Variants in CDH8 observed in about 807,000 individuals in gnomAD.
The protein encoded by CDH8 is cadherin 8, also known as cadherin-8.
In CDH8, 17 loss-of-function variants were observed where a neutral mutation model predicts 68.1. The observed-to-expected ratio is 0.25, with a 90% confidence interval of 0.17 to 0.37. The LOEUF (loss-of-function observed/expected upper bound fraction) is 0.37, where lower values mean the gene tolerates loss of function less well. CDH8 is among the 10% of genes least tolerant of loss of function. CDH8 has a pLI of 1.00. For missense variants in CDH8, 763 were observed against 999.3 expected, an observed-to-expected ratio of 0.76 and a Z score of 3.19; for synonymous variants, 372 against 365.1, an observed-to-expected ratio of 1.02 and a Z score of -0.21.
At chr16:61,974,230 A>C (rs1002511897) in intron 2 of CDH8, among the ~76,000 whole-genome samples, 1 of 152,222 alleles carries the variant, frequency 6.6e-6, no homozygotes, top group Non-Finnish European at 1.5e-5. Flanking sequence ...GAAAAGGATA[A>C]AGGCATATGA....
At position 61,653,644 on chromosome 16, in the gene CDH8, T is replaced by A; in HGVS notation, c.2364A>T (p.Glu788Asp). 4.3e-6 allele frequency: 7 copies of A among 1,613,572 alleles called. No homozygotes were observed. Among genetic ancestry groups the A allele is most frequent in the Non-Finnish European group, 5.1e-6 (6 of 1,179,824 alleles). The stretch of plus-strand genomic sequence containing the variant: ...TGTCACTTTCACCAACAGAGTAGAG[T>A]TCGCCCAGTCTCTTAAAGCGGGGAC... ...DWGPRFKRLG[E>D]LYSVGESDKE... The change falls in exon 12 of 12, where the codon GAA becomes GAT. Residue 788 changes from glutamate (E) to aspartate (D), a missense_variant. Transcript: ENST00000577390.
At chr16:61,852,135 A>G (rs1363488113) in intron 4 of CDH8, among the ~76,000 whole-genome samples, 1 of 152,166 alleles carries the variant, frequency 6.6e-6, no homozygotes, top group Admixed American at 6.6e-5. Context: ...GTAAGAGTTC[A>G]ATAAATAAAG....
chr16:61,768,983 T>A (rs1960707943), intron 8 of CDH8, among the ~76,000 whole-genome samples: 1 of 151,752 alleles, frequency 6.6e-6, no homozygotes, highest in South Asian at 2.1e-4. Context: ...AAAATTTTGT[T>A]ATTGGGTTGT....
At chr16:61,991,295 C>G (rs532756456) in intron 2 of CDH8, among the ~76,000 whole-genome samples, 10 of 152,284 alleles carry the variant, frequency 6.6e-5, no homozygotes, top group South Asian at 2.1e-4. Context: ...ATGTGAGGCA[C>G]TTTTGTGTGC....
intron 8 of CDH8, among the ~76,000 whole-genome samples, chr16:61,772,533 G>T (rs942824519): frequency 2.0e-5 from 3 of 151,976 alleles, no homozygotes; most frequent in Admixed American, 2.0e-4. Context: ...GTTAAAAACC[G>T]GCCTAGCACA....
chr16:61,736,534 T>G (rs1959691417), intron 8 of CDH8, among the ~76,000 whole-genome samples: 1 of 152,206 alleles, frequency 6.6e-6, no homozygotes, highest in Non-Finnish European at 1.5e-5. Context: ...GGGTATTTCT[T>G]GAAACTGCTA....
chr16:61,921,569 T>G (rs1964368211), intron 2 of CDH8, among the ~76,000 whole-genome samples: 1 of 152,214 alleles, frequency 6.6e-6, no homozygotes, highest in Non-Finnish European at 1.5e-5. Context: ...GTGAAATTGC[T>G]GATGTTACAG....
At chr16:61,836,658 C>T (rs562298477) in intron 4 of CDH8, among the ~76,000 whole-genome samples, 2 of 151,870 alleles carry the variant, frequency 1.3e-5, no homozygotes, top group Non-Finnish European at 2.9e-5. Context: ...CATTTAATTA[C>T]GGTAGCTGTC....
chr16:61,993,106 T>A (rs535719900), intron 2 of CDH8, among the ~76,000 whole-genome samples: 17 of 152,322 alleles, frequency 1.1e-4, no homozygotes, highest in African/African-American at 1.9e-4. Flanking sequence ...AGACTTTTTT[T>A]AAATATGCAT....
chr16:61,688,066 T>C (rs545521669), intron 10 of CDH8, among the ~76,000 whole-genome samples: 2 of 152,128 alleles, frequency 1.3e-5, no homozygotes, highest in African/African-American at 4.8e-5. Context: ...CCAGAATTTA[T>C]GTTCTAAACA....
chr16:61,881,330 G>A (rs986239781), intron 3 of CDH8, among the ~76,000 whole-genome samples: 5 of 152,018 alleles, frequency 3.3e-5, no homozygotes, highest in African/African-American at 9.7e-5. Context: ...TTGAGGTGTC[G>A]GCCTGGAACT....
chr16:61,837,430 G>A (rs1000439320), intron 4 of CDH8, among the ~76,000 whole-genome samples: 3 of 152,032 alleles, frequency 2.0e-5, no homozygotes, highest in Admixed American at 6.6e-5. Context: ...ACAGATTAAG[G>A]AAAAGAAGCG....
intron 2 of CDH8, among the ~76,000 whole-genome samples, chr16:61,943,942 G>A: frequency 6.6e-6 from 1 of 152,198 alleles, no homozygotes; most frequent in South Asian, 2.1e-4. Flanking sequence ...ATTTACCAAA[G>A]CCAGTGGAAG....
intron 7 of CDH8, among the ~76,000 whole-genome samples, chr16:61,792,308 A>G (rs960662687): frequency 2.0e-5 from 3 of 152,020 alleles, no homozygotes; most frequent in African/African-American, 7.2e-5. Context: ...CAGATTACAC[A>G]ATAGAAGGAA....
intron 8 of CDH8, among the ~76,000 whole-genome samples, chr16:61,788,651 T>C (rs2142994018): frequency 6.6e-6 from 1 of 152,006 alleles, no homozygotes; most frequent in African/African-American, 2.4e-5. Context: ...GTTTAGAGAC[T>C]CCATTATAGT....
chr16:61,882,229 G>T (rs917130164), intron 3 of CDH8, among the ~76,000 whole-genome samples: 1 of 152,116 alleles, frequency 6.6e-6, no homozygotes, highest in Non-Finnish European at 1.5e-5. Flanking sequence ...TGTTTTACTC[G>T]ATGGATATAA....
chr16:61,678,081 C>T (rs559759021), intron 10 of CDH8, among the ~76,000 whole-genome samples: 3 of 152,164 alleles, frequency 2.0e-5, no homozygotes, highest in East Asian at 1.9e-4. Context: ...CATCCAATTG[C>T]TAATCAGAAA....
At chr16:61,663,643 A>G (rs1394574372) in intron 10 of CDH8, among the ~76,000 whole-genome samples, 1 of 151,890 alleles carries the variant, frequency 6.6e-6, no homozygotes, top group African/African-American at 2.4e-5. Flanking sequence ...AAGGAACTGA[A>G]CACCTAACTG....
intron 2 of CDH8, among the ~76,000 whole-genome samples, chr16:62,015,320 A>G (rs1232228676): frequency 6.6e-6 from 1 of 152,178 alleles, no homozygotes; most frequent in Non-Finnish European, 1.5e-5. Flanking sequence ...CCAAAATCTG[A>G]AAATATCTCA....
Sources: allele counts gnomAD v4.1 joint callset (sites outside exome capture counted in the v4.1 genomes callset), GRCh38; gene constraint gnomAD v4.1.1; transcripts MANE v1.5; gene names NCBI Gene and HGNC (gene_info 2026-07-23, HGNC 2026-07-21).